DOP1B: variants seen among roughly 807,000 people sequenced by gnomAD.
DOP1B encodes the protein DOP1 leucine zipper like protein B, also known as protein DOP1B.
A neutral mutation model predicts 233.5 loss-of-function variants in DOP1B; 174 were observed. The observed-to-expected ratio is 0.75, with a 90% CI of 0.66 to 0.85. DOP1B has a LOEUF of 0.85. DOP1B is among the 40% of genes least tolerant of loss of function. The probability of loss-of-function intolerance (pLI) is 0.00; values close to 1 mark genes in which losing one functional copy is unlikely to be tolerated. For missense variants in DOP1B, 2,652 were observed against 2,846.6 expected, an observed-to-expected ratio of 0.93 and a Z score of 1.56; for synonymous variants, 1,190 against 1,185.6, an observed-to-expected ratio of 1.00 and a Z score of -0.08.
Position 36,231,101 on chromosome 21 carries a change from G to C in DOP1B, c.2317G>C (p.Glu773Gln). ...FPVYLSEEETEQLCATLFQLP... is the reference protein window; with the variant it reads ...FPVYLSEEETQQLCATLFQLP... ...TGTCTACCTGTCCGAGGAAGAGACC[G>C]AGCAGCTCTGTGCAACGCTCTTCCA... The change falls in exon 14 of 37, where the codon GAG becomes CAG. Residue 773 changes from glutamate to glutamine, a missense_variant. Physicochemically the swap from Glu to Gln is conservative, Grantham distance 29 (BLOSUM62 2). Transcript: ENST00000691173. 1 of 1,607,164 alleles carries C rather than the reference G, an allele frequency of 6.2e-7. No homozygotes were observed. Among genetic ancestry groups the C allele is most frequent in the South Asian group, 1.1e-5 (1 of 89,958 alleles).
chr21:36,202,480 T>C (rs2066379898), intron 4 of DOP1B, among the ~76,000 whole-genome samples: 1 of 152,048 alleles, frequency 6.6e-6, no homozygotes, highest in African/African-American at 2.4e-5. Flanking sequence ...GACTGAGGGG[T>C]GCAGGAGGCT....
In DOP1B at chr21:36,250,285, G is replaced by A. The variant is rs140101996; in HGVS notation, c.4999-877G>A. ...GTCACAGGAAGCGCTGGGTAAATCC[G>A]TCTCTTCGACAGACATTTTGTGCCT... On this transcript the variant is annotated intron_variant, in intron 21 of 36. Transcript: ENST00000691173. Among the ~76,000 whole-genome samples, 331 of 152,308 alleles carry A rather than the reference G, an allele frequency of 2.2e-3. 1 individual carries two copies. Among genetic ancestry groups the A allele is most frequent in the Middle Eastern group, 6.8e-3 (2 of 294 alleles).
rs1002961018 is a variant in DOP1B at position 36,214,103 on chromosome 21, C to T, written c.927C>T (p.Thr309=). 9.3e-6 allele frequency: 15 copies of T among 1,613,666 alleles called. No homozygotes were observed. The highest frequency in any genetic ancestry group is 6.7e-5 in the East Asian group (3 of 44,874). ...WLLGSDIKGN[T]VVPESEISNS... Reference sequence around the variant, plus strand: ...TAGGCTCAGACATAAAAGGAAATACCGTTGTGCCAGAATCTGAAATCTCAA... The same window carrying T: ...TAGGCTCAGACATAAAAGGAAATACTGTTGTGCCAGAATCTGAAATCTCAA... The change falls in exon 8 of 37, where the codon ACC becomes ACT. Residue 309 remains threonine, a synonymous_variant. Coordinates refer to ENST00000691173, the MANE Select transcript of DOP1B (RefSeq NM_001320714.2).
At position 36,293,397 on chromosome 21, in the gene DOP1B, G is replaced by A; in HGVS notation, c.6723G>A (p.Arg2241=). 6.2e-7 allele frequency: 1 copy of A among 1,614,024 alleles called. No individual in the cohort carries two copies. Among genetic ancestry groups the A allele is most frequent in the Non-Finnish European group, 8.5e-7 (1 of 1,179,946 alleles). The change falls in exon 37 of 37, where the codon AGG becomes AGA. Residue 2241 remains arginine (R), a synonymous_variant. Transcript: ENST00000691173. ...LLRQHSVSSI[R]QLMPFFMTLN... Reference sequence around the variant, plus strand: ...GCCAACATTCTGTTTCCAGCATCAGGCAGTTGATGCCATTCTTCATGACTC... The same window carrying A: ...GCCAACATTCTGTTTCCAGCATCAGACAGTTGATGCCATTCTTCATGACTC...
intron 31 of DOP1B, among the ~76,000 whole-genome samples, chr21:36,281,166 C>T (rs909957784): frequency 1.3e-5 from 2 of 150,312 alleles, no homozygotes; most frequent in East Asian, 2.0e-4. Flanking sequence ...CACTGTGGCA[C>T]GCACCTGTAG....
intron 31 of DOP1B, among the ~76,000 whole-genome samples, chr21:36,280,871 G>A (rs749596954): frequency 2.4e-4 from 36 of 152,076 alleles, no homozygotes; most frequent in Non-Finnish European, 4.0e-4. Flanking sequence ...GCATAGTGGC[G>A]GGCGCCTGTA....
intron 4 of DOP1B, among the ~76,000 whole-genome samples, chr21:36,205,423 C>T (rs1292892908): frequency 1.3e-5 from 2 of 151,908 alleles, no homozygotes; most frequent in South Asian, 2.1e-4. Flanking sequence ...GAGTCTCACT[C>T]TGTTGCCCAG....
At chr21:36,277,891 C>A in intron 28 of DOP1B, 84 bp from the exon 29 acceptor site, 1 of 1,114,456 alleles carries the variant, frequency 9.0e-7, no homozygotes, top group Non-Finnish European at 1.4e-6. Context: ...ATCCGCCCTC[C>A]TCAGCCTCCC....
rs534632488 is a variant in DOP1B, at chr21:36,239,655, GAGGTCCT to G, written c.2877-106_2877-100del. ...TGGGTCTGGAAGTCCAGCTTGGGTGGAGGTCCTAGGGTACCTGTGTTGGGTGACGCCC... is the reference window on the plus strand; with the variant it reads ...TGGGTCTGGAAGTCCAGCTTGGGTGGAGGGTACCTGTGTTGGGTGACGCCC... On this transcript the variant is annotated intron_variant, in intron 17 of 36. Coordinates refer to ENST00000691173, the MANE Select transcript of DOP1B (RefSeq NM_001320714.2). The G allele has an allele frequency of 1.3e-5, 16 of 1,259,250 alleles. No homozygotes were observed. The African/African-American group carries it at 2.4e-4, about 19-fold the overall frequency. The allele number at this position is 1,259,250 out of a possible 1,614,324, so 78.0% of individuals were successfully genotyped here.
At chr21:36,214,798 G>A (rs2066541567) in intron 9 of DOP1B, among the ~76,000 whole-genome samples, 1 of 152,188 alleles carries the variant, frequency 6.6e-6, no homozygotes, top group Non-Finnish European at 1.5e-5. Context: ...GTAGAGGAAG[G>A]AAGATCACTT....
intron 11 of DOP1B, among the ~76,000 whole-genome samples, 197 bp from the exon 12 acceptor site, chr21:36,225,368 T>C (rs763946178): frequency 1.3e-5 from 2 of 152,114 alleles, no homozygotes; most frequent in Non-Finnish European, 2.9e-5. Context: ...TAGCTAGGAC[T>C]ACAGGCGTGG....
At position 36,238,708 on chromosome 21, in the gene DOP1B, C is replaced by T. The variant is rs1407078643; in HGVS notation, c.2876+7C>T. 4.3e-6 allele frequency: 7 copies of T among 1,613,756 alleles called. No homozygotes were observed. Among genetic ancestry groups the T allele is most frequent in the South Asian group, 1.1e-5 (1 of 91,068 alleles). On this transcript the variant is annotated splice_region_variant and intron_variant, in intron 17 of 36. Transcript: ENST00000691173. The stretch of plus-strand genomic sequence containing the variant: ...ACAATCGCTCCTTTGATAGGTGAGG[C>T]GGCCTTCGTTATGATCTACCGTTAA...
Position 36,246,701 on chromosome 21 carries a change from C to T in DOP1B, c.4697+24C>T. ...AGGTGCGTTACGCTCCTTGTGACAT[C>T]TTTATTGCTTTAGTGATGGTTTTTA... is the stretch of plus-strand genomic sequence containing the variant. On this transcript the variant is annotated intron_variant, in intron 19 of 36. Transcript: ENST00000691173. The surrounding 1 kb of genome is among the most constrained non-coding windows in gnomAD (Gnocchi z 5.1). The T allele has an allele frequency of 1.3e-6, 2 of 1,581,876 alleles. No homozygotes were observed. Among genetic ancestry groups the T allele is most frequent in the Non-Finnish European group, 1.7e-6 (2 of 1,158,338 alleles).
chr21:36,215,084 G>A (rs2066543989), intron 9 of DOP1B, among the ~76,000 whole-genome samples: 2 of 152,096 alleles, frequency 1.3e-5, no homozygotes, highest in Non-Finnish European at 2.9e-5. Flanking sequence ...TTTTTGTTAG[G>A]AAAATACCTT....
At chr21:36,244,059 C>T (rs948898992) in intron 18 of DOP1B, among the ~76,000 whole-genome samples, 1 of 121,858 alleles carries the variant, frequency 8.2e-6, no homozygotes, top group Non-Finnish European at 1.6e-5. Context: ...CAGAGTCTCA[C>T]TCTGTTGCCT....
chr21:36,284,852 G>C, intron 32 of DOP1B, among the ~76,000 whole-genome samples: 1 of 149,964 alleles, frequency 6.7e-6, no homozygotes, highest in Non-Finnish European at 1.5e-5. Context: ...ATAATTATAT[G>C]ACATTGTAAC....
chr21:36,264,753 G>A (rs936079540), intron 26 of DOP1B, among the ~76,000 whole-genome samples: 7 of 152,006 alleles, frequency 4.6e-5, no homozygotes, highest in East Asian at 1.9e-4. Context: ...GATTACAGAC[G>A]TGAGCTACCA....
At chr21:36,224,191 C>T (rs985822484) in intron 11 of DOP1B, among the ~76,000 whole-genome samples, 7 of 151,936 alleles carry the variant, frequency 4.6e-5, no homozygotes, top group African/African-American at 1.2e-4. Context: ...TGTCTCTCAC[C>T]GAGACTGGAG....
In DOP1B at chr21:36,227,695, T is replaced by C; in HGVS notation, c.1483T>C (p.Ser495Pro). The C allele has an allele frequency of 6.5e-7, 1 of 1,550,154 alleles. No individual in the cohort carries two copies. Among genetic ancestry groups the C allele is most frequent in the Non-Finnish European group, 8.8e-7 (1 of 1,141,474 alleles). Residue 495 changes from serine (S) to proline (P), a missense_variant, in exon 13 of 37, where the codon TCT becomes CCT. Physicochemically the swap from Ser to Pro is moderately conservative, Grantham distance 74 (BLOSUM62 -1). This residue lies in a region of DOP1B where 2,617 missense variants were observed against 2,794.3 expected (regional missense o/e 0.94). Transcript: ENST00000691173. ...CACGTTTATTTCACAGGAACTTTACTCTGAGGTGCAAACCCAGTATCTCCC... is the reference window on the plus strand; with the variant it reads ...CACGTTTATTTCACAGGAACTTTACCCTGAGGTGCAAACCCAGTATCTCCC... ...LLDVIPLELY[S>P]EVQTQYLPQV...
Sources: allele counts gnomAD v4.1 joint callset (sites outside exome capture counted in the v4.1 genomes callset), GRCh38; gene constraint gnomAD v4.1.1; regional missense constraint gnomAD v4.1.1; non-coding constraint Gnocchi (gnomAD v3.1); transcripts MANE v1.5; gene names NCBI Gene and HGNC (gene_info 2026-07-23, HGNC 2026-07-21).